Variants in PDE9A observed in about 807,000 individuals in gnomAD.
PDE9A encodes the protein high affinity cGMP-specific 3',5'-cyclic phosphodiesterase 9A.
Under a neutral mutation model 87.4 loss-of-function variants are expected in PDE9A, and 60 were observed. The observed-to-expected ratio is 0.69, with a 90% confidence interval of 0.56 to 0.85. PDE9A has a LOEUF of 0.85. PDE9A is among the 40% of genes least tolerant of loss of function. PDE9A has a pLI of 0.00. For synonymous variants in PDE9A, 272 were observed against 279.4 expected (o/e 0.97, Z 0.27); for missense variants, 665 against 779.0 (o/e 0.85, Z 1.74).
At chr21:42,689,143 G>A (rs761393198) in intron 3 of PDE9A, among the ~76,000 whole-genome samples, 23 of 151,350 alleles carry the variant, frequency 1.5e-4, no homozygotes, top group South Asian at 4.2e-4. Context: ...GGCCAGCGCC[G>A]CCCCCCTCAG....
rs377201880 is a variant in PDE9A at position 42,661,753 on chromosome 21, A to G, written c.69+7870A>G. Among the ~76,000 whole-genome samples the G allele has an allele frequency of 8.5e-5, 13 of 152,110 alleles. No individual in the cohort carries two copies. The South Asian group carries it at 1.7e-3, about 19-fold the overall frequency. The stretch of plus-strand genomic sequence containing the variant: ...GGTTTATTGTTGCATCTTCTGAAAA[A>G]CTTTGTGAGTTCCCGAAGGCCTCTC... On this transcript the variant is annotated intron_variant, in intron 1 of 19. Transcript: ENST00000291539.
Position 42,688,006 on chromosome 21 carries a change from C to A in PDE9A, c.218+12C>A. 6.2e-7 allele frequency: 1 copy of A among 1,608,350 alleles called. No individual in the cohort carries two copies. Among genetic ancestry groups the A allele is most frequent in the Non-Finnish European group, 8.5e-7 (1 of 1,177,166 alleles). ...GCGAATTCAGAACGGTAAGAGGCTCCGGCCGCGCTCCTCGGGGTGTGCCTG... is the reference window on the plus strand; with the variant it reads ...GCGAATTCAGAACGGTAAGAGGCTCAGGCCGCGCTCCTCGGGGTGTGCCTG... On this transcript the variant is annotated intron_variant, in intron 3 of 19. Transcript: ENST00000291539.
In PDE9A at chr21:42,769,042, T is replaced by G. The variant is rs201490586; in HGVS notation, c.1477T>G (p.Ser493Ala). 5.0e-6 allele frequency: 8 copies of G among 1,612,922 alleles called. No individual in the cohort carries two copies. Among genetic ancestry groups the G allele is most frequent in the Non-Finnish European group, 5.9e-6 (7 of 1,179,148 alleles). The change falls in exon 17 of 20, where the codon TCA (serine) becomes GCA (alanine). Residue 493 changes from serine to alanine, a missense_variant. Ser to Ala is a moderately conservative substitution (Grantham distance 99). Transcript: ENST00000291539. ...TTCCCTGCAGAGCGACCGTGAGAAG[T>G]CAGAAGGCCTTCCTGTGGCACCGTT... The part of the protein sequence containing the change: ...EYFMQSDREK[S>A]EGLPVAPFMD...
At position 42,653,767 on chromosome 21, in the gene PDE9A, C is replaced by G; in HGVS notation, c.-48C>G. 9.5e-7 allele frequency: 1 copy of G among 1,048,898 alleles called. No individual in the cohort carries two copies. Among genetic ancestry groups the G allele is most frequent in the Non-Finnish European group, 1.3e-6 (1 of 778,012 alleles). The allele number at this position is 1,048,898 out of a possible 1,614,324, so 65.0% of individuals were successfully genotyped here. ...CTCCCCCGCCTCCCGCGGCGGCTGG[C>G]GTCGGGAAAGTACAGTAAAAAGTCC... On this transcript the variant is annotated 5_prime_UTR_variant, in exon 1 of 20. Transcript: ENST00000291539.
chr21:42,695,196 A>T lies in PDE9A; in HGVS notation c.219-3772A>T, dbSNP rs913722334. 1.6e-4 allele frequency among the ~76,000 whole-genome samples: 24 copies of T among 152,244 alleles called. No homozygotes were observed. Among genetic ancestry groups the T allele is most frequent in the African/African-American group, 5.8e-4 (24 of 41,462 alleles). ...TTAGAGCTGGCAAGAAAAATAATTG[A>T]TGACTAAACAACCTAACGACCAACA... On this transcript the variant is annotated intron_variant, in intron 3 of 19. Transcript: ENST00000291539. The surrounding 1 kb of genome is among the most constrained non-coding windows in gnomAD (Gnocchi z 4.3).
At chr21:42,664,402 C>T (rs1487315001) in intron 1 of PDE9A, among the ~76,000 whole-genome samples, 1 of 152,164 alleles carries the variant, frequency 6.6e-6, no homozygotes, top group Non-Finnish European at 1.5e-5. Flanking sequence ...GAGTAGGAGC[C>T]CAGATCCAGG....
chr21:42,703,811 C>T (rs947672594), intron 4 of PDE9A, among the ~76,000 whole-genome samples: 2 of 152,226 alleles, frequency 1.3e-5, no homozygotes, highest in African/African-American at 4.8e-5. Flanking sequence ...CACAAAGAGG[C>T]TTGAAAAATA....
intron 3 of PDE9A, among the ~76,000 whole-genome samples, chr21:42,691,685 C>G (rs567751774): frequency 6.6e-6 from 1 of 152,006 alleles, no homozygotes; most frequent in East Asian, 1.9e-4. Context: ...CTCAGCCCAT[C>G]ACCATCACTA....
rs1197356167 is a variant in PDE9A, at chr21:42,726,624, A to ATTTT, written c.263-5132_263-5129dup. Among the ~76,000 whole-genome samples the ATTTT allele has an allele frequency of 2.9e-3, 58 of 19,766 alleles. 3 individuals carry two copies. The highest frequency in any genetic ancestry group is 8.1e-3 in the South Asian group (2 of 246). 13.0% of individuals were successfully genotyped at this position (19,766 alleles called of 152,430 possible). ...TATATATATATATATATATATATAT[A>ATTTT]TTTTTTTTTTTTTTTTTGTAGAGAT... On this transcript the variant is annotated intron_variant, in intron 4 of 19. Transcript: ENST00000291539.
chr21:42,668,508 T>A (rs1002124341), intron 1 of PDE9A, among the ~76,000 whole-genome samples: 3 of 152,334 alleles, frequency 2.0e-5, no homozygotes, highest in South Asian at 4.1e-4. Flanking sequence ...AAATGCCCCG[T>A]GAGAGTCCTG....
At chr21:42,661,953 T>C (rs73379611) in intron 1 of PDE9A, among the ~76,000 whole-genome samples, 6,466 of 152,174 alleles carry the variant, frequency 0.042, 364 homozygotes, top group African/African-American at 0.13. Context: ...AGAGCGCAGA[T>C]GGGGCCGATT....
At chr21:42,742,449 G>A (rs2053398414) in intron 7 of PDE9A, among the ~76,000 whole-genome samples, 1 of 145,396 alleles carries the variant, frequency 6.9e-6, no homozygotes, top group South Asian at 2.2e-4. Flanking sequence ...GGGAGTTGAA[G>A]CTGTCTGCTT....
chr21:42,707,908 C>T (rs35883516), intron 4 of PDE9A, among the ~76,000 whole-genome samples: 2,582 of 152,252 alleles, frequency 0.017, 52 homozygotes, highest in South Asian at 0.046. Context: ...TTGAAAATGA[C>T]TTAGGGGGCA....
At chr21:42,666,221 C>A (rs1390032157) in intron 1 of PDE9A, among the ~76,000 whole-genome samples, 2 of 151,962 alleles carry the variant, frequency 1.3e-5, no homozygotes, top group African/African-American at 4.9e-5. Flanking sequence ...GCGTGGCTAT[C>A]AGCTCCAGAA....
At chr21:42,733,637 C>T (rs1372313126) in intron 7 of PDE9A, 4 of 580,670 alleles carry the variant, frequency 6.9e-6, no homozygotes, top group Non-Finnish European at 9.2e-6. Flanking sequence ...AAGCACAGCT[C>T]ATGGTATAAA....
intron 1 of PDE9A, among the ~76,000 whole-genome samples, chr21:42,669,123 G>A (rs1342729395): frequency 6.6e-6 from 1 of 152,150 alleles, no homozygotes; most frequent in African/African-American, 2.4e-5. Flanking sequence ...TGTAGCAAAT[G>A]GCCATAAATG....
chr21:42,764,491 C>T (rs370491867), intron 14 of PDE9A, among the ~76,000 whole-genome samples: 10 of 152,338 alleles, frequency 6.6e-5, no homozygotes, highest in African/African-American at 2.4e-4. Context: ...CCTGGGGAAT[C>T]AAAGCAAGTG....
intron 1 of PDE9A, among the ~76,000 whole-genome samples, chr21:42,661,848 C>T (rs973688364): frequency 1.3e-5 from 2 of 152,188 alleles, no homozygotes; most frequent in Non-Finnish European, 2.9e-5. Context: ...CTGTGTACAG[C>T]CTGTGATGCG....
rs1569229321 is a variant in PDE9A, at chr21:42,740,764, GATA to G, written c.569-3011_569-3009del. Among the ~76,000 whole-genome samples the G allele has an allele frequency of 1.4e-3, 209 of 147,986 alleles. 1 individual carries two copies. Among genetic ancestry groups the G allele is most frequent in the African/African-American group, 4.1e-3 (158 of 38,934 alleles). On this transcript the variant is annotated intron_variant, in intron 7 of 19. Transcript: ENST00000291539. ...GATAGATAGATAAACAGGATAGATA[GATA>G]GATAGATAGATAGATAGATAGATAG...
Sources: allele counts gnomAD v4.1 joint callset (sites outside exome capture counted in the v4.1 genomes callset), GRCh38; gene constraint gnomAD v4.1.1; non-coding constraint Gnocchi (gnomAD v3.1); transcripts MANE v1.5; gene names NCBI Gene and HGNC (gene_info 2026-07-23, HGNC 2026-07-21).